The following PRKCB variants were observed in gnomAD, a reference collection of about 807,000 sequenced individuals.
PRKCB encodes the protein protein kinase C beta.
In PRKCB, 13 loss-of-function variants were observed where a neutral mutation model predicts 81.5. The ratio of observed to expected loss-of-function variants is 0.16; its 90% CI spans 0.10 to 0.25. PRKCB has a LOEUF of 0.25. Among genes scored for constraint, PRKCB ranks in the 10% least tolerant of loss-of-function variants. The probability of loss-of-function intolerance (pLI) is 1.00; values close to 1 mark genes in which losing one functional copy is unlikely to be tolerated. For missense variants in PRKCB, 509 were observed against 875.7 expected, an observed-to-expected ratio of 0.58 and a Z score of 5.29; for synonymous variants, 335 against 321.4, an observed-to-expected ratio of 1.04 and a Z score of -0.45.
intron 5 of PRKCB, among the ~76,000 whole-genome samples, chr16:24,049,307 G>A (rs1965810437): frequency 6.6e-6 from 1 of 151,172 alleles, no homozygotes; most frequent in Admixed American, 6.6e-5. Context: ...GGCACATCCG[G>A]GACCTGCACC....
chr16:23,935,636 A>G (rs1964047980), intron 2 of PRKCB, among the ~76,000 whole-genome samples: 1 of 152,244 alleles, frequency 6.6e-6, no homozygotes, highest in Admixed American at 6.5e-5. Context: ...TGCACTATTC[A>G]CAATAACAAA....
chr16:24,080,764 G>A (rs1966239372), intron 5 of PRKCB, among the ~76,000 whole-genome samples: 1 of 151,892 alleles, frequency 6.6e-6, no homozygotes, highest in African/African-American at 2.4e-5. Context: ...AAGTCTCAAG[G>A]GAAATAAGAA....
chr16:24,087,362 A>G (rs903338137), intron 5 of PRKCB, among the ~76,000 whole-genome samples: 1 of 152,222 alleles, frequency 6.6e-6, no homozygotes, highest in Admixed American at 6.5e-5. Flanking sequence ...TGTTATCGGC[A>G]TGGGCAAAGT....
intron 4 of PRKCB, among the ~76,000 whole-genome samples, chr16:24,034,262 T>C (rs1965585059): frequency 6.6e-6 from 1 of 152,142 alleles, no homozygotes; most frequent in Admixed American, 6.5e-5. Context: ...CACAACTCAT[T>C]TCTAGTTTTT....
intron 2 of PRKCB, among the ~76,000 whole-genome samples, chr16:23,889,067 C>A (rs1963248110): frequency 6.6e-6 from 1 of 152,130 alleles, no homozygotes; most frequent in Non-Finnish European, 1.5e-5. Context: ...CTTACCCACC[C>A]ATCTACTCAC....
chr16:24,022,149 A>G (rs1162899683), intron 3 of PRKCB, among the ~76,000 whole-genome samples: 3 of 152,004 alleles, frequency 2.0e-5, no homozygotes, highest in African/African-American at 7.3e-5. Context: ...ATAGTTTCAA[A>G]CCTGTTTTTG....
At chr16:24,050,344 C>T (rs1314924885) in intron 5 of PRKCB, among the ~76,000 whole-genome samples, 3 of 152,168 alleles carry the variant, frequency 2.0e-5, no homozygotes, top group Non-Finnish European at 4.4e-5. Context: ...CCTTATAAAG[C>T]AGGGTGCCCA....
intron 7 of PRKCB, among the ~76,000 whole-genome samples, chr16:24,102,840 A>G (rs891558584): frequency 6.6e-6 from 1 of 152,078 alleles, no homozygotes; most frequent in Non-Finnish European, 1.5e-5. Flanking sequence ...ACATTTTACT[A>G]ATTTATTTTT....
intron 16 of PRKCB, among the ~76,000 whole-genome samples, chr16:24,194,361 CAAA>C (rs568973066): frequency 1.4e-5 from 2 of 147,466 alleles, no homozygotes; most frequent in African/African-American, 2.5e-5. Flanking sequence ...CAAAAAACAA[CAAA>C]AAAAAAACCT....
At chr16:24,014,144 C>T (rs927304666) in intron 3 of PRKCB, among the ~76,000 whole-genome samples, 3 of 152,126 alleles carry the variant, frequency 2.0e-5, no homozygotes, top group African/African-American at 7.2e-5. Flanking sequence ...ACCTGGAAAC[C>T]AAGCTGGCAG....
intron 5 of PRKCB, among the ~76,000 whole-genome samples, chr16:24,063,385 C>T (rs978209431): frequency 1.3e-5 from 2 of 151,930 alleles, no homozygotes; most frequent in South Asian, 2.1e-4. Flanking sequence ...ACCTCCGCCT[C>T]CTGAGTTCAA....
At chr16:23,971,492 C>T (rs1337646144) in intron 2 of PRKCB, among the ~76,000 whole-genome samples, 1 of 152,166 alleles carries the variant, frequency 6.6e-6, no homozygotes, top group Non-Finnish European at 1.5e-5. Context: ...TGGACTGTAT[C>T]TCCTGGACTC....
intron 2 of PRKCB, among the ~76,000 whole-genome samples, chr16:23,857,871 C>T (rs1962598012): frequency 6.6e-6 from 1 of 152,152 alleles, no homozygotes; most frequent in African/African-American, 2.4e-5. Context: ...TTATTGAGTA[C>T]TCACTCGGTG....
intron 9 of PRKCB, among the ~76,000 whole-genome samples, chr16:24,140,726 A>G (rs1247410287): frequency 6.6e-6 from 1 of 152,224 alleles, no homozygotes; most frequent in Non-Finnish European, 1.5e-5. Flanking sequence ...CAGTGATGTT[A>G]TCTGTGGGAG....
At chr16:23,991,805 G>A (rs1271601716) in intron 3 of PRKCB, among the ~76,000 whole-genome samples, 2 of 152,220 alleles carry the variant, frequency 1.3e-5, no homozygotes, top group African/African-American at 4.8e-5. Context: ...TATCAGTGCT[G>A]CAGTGCAGTA....
chr16:23,997,750 C>T (rs947334564), intron 3 of PRKCB, among the ~76,000 whole-genome samples: 13 of 152,168 alleles, frequency 8.5e-5, no homozygotes, highest in African/African-American at 3.1e-4. Context: ...GACTTCATCT[C>T]CTTTTCTGGG....
At chr16:23,982,417 C>T (rs1436212474) in intron 2 of PRKCB, among the ~76,000 whole-genome samples, 1 of 147,070 alleles carries the variant, frequency 6.8e-6, no homozygotes, top group East Asian at 2.0e-4. Context: ...TTCCCCTTCT[C>T]TTCTCTTTTC....
At chr16:24,033,416 G>A (rs1172039041) in intron 4 of PRKCB, among the ~76,000 whole-genome samples, 2 of 152,154 alleles carry the variant, frequency 1.3e-5, no homozygotes, top group Non-Finnish European at 2.9e-5. Flanking sequence ...AAGCTACAGA[G>A]AGACTCAGCT....
chr16:23,989,136 T>A (rs1448651191), intron 3 of PRKCB, among the ~76,000 whole-genome samples: 1 of 152,056 alleles, frequency 6.6e-6, no homozygotes, highest in Admixed American at 6.5e-5. Context: ...AATTTTTTGT[T>A]TTGTATTTTT....
Sources: gnomAD v4.1 joint callset for allele counts (sites outside exome capture counted in the v4.1 genomes callset) on GRCh38, gnomAD v4.1.1 for gene constraint, MANE v1.5 for transcripts, NCBI Gene and HGNC (gene_info 2026-07-23, HGNC 2026-07-21) for gene names.